TIAM1: variants seen among roughly 807,000 people sequenced by gnomAD.
TIAM1 encodes rho guanine nucleotide exchange factor TIAM1.
Under a neutral mutation model 163.5 loss-of-function variants are expected in TIAM1, and 65 were observed. The ratio of observed to expected loss-of-function variants is 0.40; its 90% CI spans 0.33 to 0.49. TIAM1 has a LOEUF of 0.49. TIAM1 is among the 20% of genes least tolerant of loss of function. The pLI, the probability that TIAM1 is intolerant of heterozygous loss-of-function variation, is 0.77. For missense variants in TIAM1, 1,789 were observed against 2,044.7 expected (o/e 0.87, Z 2.41); for synonymous variants, 833 against 810.1 (o/e 1.03, Z -0.48).
intron 2 of TIAM1, among the ~76,000 whole-genome samples, chr21:31,409,111 T>C (rs1569305443): frequency 9.5e-5 from 13 of 136,384 alleles, no homozygotes; most frequent in Non-Finnish European, 2.0e-4. Context: ...CTTCTCCTTT[T>C]CTTTTTTTTT....
At chr21:31,155,403 A>G (rs1038082376) in intron 16 of TIAM1, among the ~76,000 whole-genome samples, 2 of 152,222 alleles carry the variant, frequency 1.3e-5, no homozygotes, top group Non-Finnish European at 2.9e-5. Context: ...TATGTTTTAA[A>G]GCTCTCTGTG....
At chr21:31,174,156 G>A (rs1057235280) in intron 15 of TIAM1, among the ~76,000 whole-genome samples, 2 of 152,172 alleles carry the variant, frequency 1.3e-5, no homozygotes, top group African/African-American at 2.4e-5. Context: ...CCTCCCTGCC[G>A]CCTGACTGTC....
intron 1 of TIAM1, among the ~76,000 whole-genome samples, chr21:31,542,908 C>T (rs779776187): frequency 4.9e-4 from 74 of 152,154 alleles, no homozygotes; most frequent in African/African-American, 1.7e-3. Context: ...GCGGAGGTTG[C>T]AGTGAGCCGA....
intron 1 of TIAM1, among the ~76,000 whole-genome samples, chr21:31,542,278 T>C (rs2048344646): frequency 6.6e-6 from 1 of 151,432 alleles, no homozygotes; most frequent in African/African-American, 2.4e-5. Flanking sequence ...AAAAAAAAAA[T>C]TAGCCGGGCG....
Position 31,536,082 on chromosome 21 carries a change from C to T in TIAM1, c.-422+22845G>A, listed in dbSNP as rs573578623. On this transcript the variant is annotated intron_variant, in intron 1 of 28. Transcript: ENST00000286827. ...GAATGGACCAGAAGGGGAGAAAATGCGGCACAGGCAGAGAGGCCGGGGGTT... is the reference window on the plus strand; with the variant it reads ...GAATGGACCAGAAGGGGAGAAAATGTGGCACAGGCAGAGAGGCCGGGGGTT... 7.2e-5 allele frequency among the ~76,000 whole-genome samples: 11 copies of T among 152,244 alleles called. No individual in the cohort carries two copies. The East Asian group carries it at 7.7e-4, about 11-fold the overall frequency.
intron 2 of TIAM1, among the ~76,000 whole-genome samples, chr21:31,459,664 T>G (rs925729701): frequency 6.6e-6 from 1 of 152,052 alleles, no homozygotes; most frequent in Non-Finnish European, 1.5e-5. Flanking sequence ...TTAATAACTT[T>G]CTCCAACAGG....
intron 26 of TIAM1, 92 bp from the exon 27 acceptor site, chr21:31,124,786 T>C (rs1216190585): frequency 2.6e-6 from 3 of 1,146,050 alleles, no homozygotes; most frequent in African/African-American, 1.6e-5. Flanking sequence ...TAAATATCCC[T>C]TAGGGCCAAA....
In TIAM1 at chr21:31,227,634, G is replaced by C. The variant is rs115891154; in HGVS notation, c.1585-1684C>G. ...AAAGAAACCGGAAGCCACAGGTGAG[G>C]ACTTGTAGATTGAGAAACTTAGGAG... On this transcript the variant is annotated intron_variant, in intron 6 of 27. Coordinates refer to ENST00000541036, the MANE Select transcript of TIAM1 (RefSeq NM_001353694.2). Among the ~76,000 whole-genome samples, 947 of 152,280 alleles carry C rather than the reference G, an allele frequency of 6.2e-3. 12 individuals carry two copies. Among genetic ancestry groups the C allele is most frequent in the African/African-American group, 0.021 (883 of 41,556 alleles).
At chr21:31,293,035 G>C (rs932326417) in intron 2 of TIAM1, among the ~76,000 whole-genome samples, 5 of 152,154 alleles carry the variant, frequency 3.3e-5, no homozygotes, top group Non-Finnish European at 7.3e-5. Flanking sequence ...TGTTGGCCAG[G>C]ATGGTCTTGA....
At chr21:31,156,378 A>C (rs2083623175) in intron 16 of TIAM1, among the ~76,000 whole-genome samples, 1 of 152,242 alleles carries the variant, frequency 6.6e-6, no homozygotes, top group Non-Finnish European at 1.5e-5. Context: ...TCTGACACTG[A>C]GTAACCCCAC....
At chr21:31,515,463 T>G (rs896787871) in intron 1 of TIAM1, among the ~76,000 whole-genome samples, 6 of 152,130 alleles carry the variant, frequency 3.9e-5, no homozygotes, top group Admixed American at 1.3e-4. Context: ...CTTTGCCCAC[T>G]TCAACAGCCA....
At chr21:31,487,341 T>C (rs1170923994) in intron 1 of TIAM1, among the ~76,000 whole-genome samples, 1 of 152,110 alleles carries the variant, frequency 6.6e-6, no homozygotes, top group Admixed American at 6.6e-5. Flanking sequence ...TGACATCCAG[T>C]TTTCCTTTGC....
intron 1 of TIAM1, among the ~76,000 whole-genome samples, chr21:31,343,247 C>A (rs1449750132): frequency 6.6e-6 from 1 of 152,222 alleles, no homozygotes; most frequent in African/African-American, 2.4e-5. Flanking sequence ...CTGACCCCTA[C>A]ACACTGAGCA....
intron 3 of TIAM1, among the ~76,000 whole-genome samples, chr21:31,274,785 C>A (rs2073215936): frequency 6.6e-6 from 1 of 152,138 alleles, no homozygotes; most frequent in South Asian, 2.1e-4. Flanking sequence ...AACATACAGA[C>A]CTTGAGACAG....
intron 2 of TIAM1, among the ~76,000 whole-genome samples, chr21:31,454,117 T>C (rs1315294379): frequency 6.6e-6 from 1 of 152,230 alleles, no homozygotes; most frequent in Non-Finnish European, 1.5e-5. Flanking sequence ...CCTTCTGCCA[T>C]GCTCTAAGAT....
At chr21:31,251,421 T>C (rs2071796786) in intron 5 of TIAM1, among the ~76,000 whole-genome samples, 1 of 152,166 alleles carries the variant, frequency 6.6e-6, no homozygotes, top group Non-Finnish European at 1.5e-5. Context: ...CTTGAACTCC[T>C]GGGCTCAAGT....
intron 2 of TIAM1, among the ~76,000 whole-genome samples, chr21:31,352,181 A>G (rs1341532721): frequency 6.6e-6 from 1 of 152,164 alleles, no homozygotes; most frequent in Non-Finnish European, 1.5e-5. Flanking sequence ...AAAACAATCT[A>G]TGTGCCCATC....
chr21:31,285,862 C>G lies in TIAM1; in HGVS notation c.-188-8954G>C, dbSNP rs150189938. ...GGCACAGAGTGAGATTCCGTCTCAA[C>G]AAATAAATTAATTAATTAATCAATT... On this transcript the variant is annotated intron_variant, in intron 2 of 27. Transcript: ENST00000541036. Among the ~76,000 whole-genome samples the G allele has an allele frequency of 2.2e-4, 34 of 151,898 alleles. 1 individual carries two copies. The highest frequency in any genetic ancestry group is 8.2e-4 in the African/African-American group (34 of 41,404).
chr21:31,553,660 G>A (rs2048770417), intron 1 of TIAM1, among the ~76,000 whole-genome samples: 1 of 152,140 alleles, frequency 6.6e-6, no homozygotes, highest in African/African-American at 2.4e-5. Flanking sequence ...AAGAAGCCCT[G>A]GAAGGTGAGG....
Sources: gnomAD v4.1 joint callset for allele counts (sites outside exome capture counted in the v4.1 genomes callset) on GRCh38, gnomAD v4.1.1 for gene constraint, MANE v1.5 for transcripts, NCBI Gene and HGNC (gene_info 2026-07-23, HGNC 2026-07-21) for gene names.